PCM1: variants seen among roughly 807,000 people sequenced by gnomAD.
PCM1 encodes the protein pericentriolar material 1 protein.
A neutral mutation model predicts 241.9 loss-of-function variants in PCM1; 157 were observed. That is an observed-to-expected ratio of 0.65 (90% CI 0.57 to 0.74). The LOEUF (loss-of-function observed/expected upper bound fraction) is 0.74, where lower values mean the gene tolerates loss of function less well. PCM1 is among the 30% of genes least tolerant of loss of function. PCM1 has a pLI of 0.00. For synonymous variants in PCM1, 1,085 were observed against 784.9 expected (o/e 1.38, Z -6.39); for missense variants, 3,478 against 2,360.1 (o/e 1.47, Z -9.81).
chr8:18,011,753 GA>G lies in PCM1; in HGVS notation c.5439del (p.Gly1814AlafsTer56). The G allele has an allele frequency of 6.2e-7, 1 of 1,613,766 alleles. No individual in the cohort carries two copies. The highest frequency in any genetic ancestry group is 8.5e-7 in the Non-Finnish European group (1 of 1,179,790). On this transcript the variant is annotated frameshift_variant, in exon 34 of 39. Transcript: ENST00000325083. LOFTEE classifies it high-confidence loss of function. ...NEDEEMEEFE[E>X]GPVDVQTSLQ... ...GGATGAAGAAATGGAAGAATTTGAA[GA>G]AGGCCCTGTGGATGTCCAGACTTCC...
Position 17,950,744 on chromosome 8 carries a change from ATAGTT to A in PCM1, c.1071+21_1071+25del. 7.6e-7 allele frequency: 1 copy of A among 1,318,162 alleles called. No homozygotes were observed. The highest frequency in any genetic ancestry group is 1.9e-4 in the Middle Eastern group (1 of 5,282). The allele number at this position is 1,318,162 out of a possible 1,614,324, so 81.7% of individuals were successfully genotyped here. A position where few individuals can be genotyped will look rare whatever the true frequency, so the allele number is the denominator to read the frequency against. On this transcript the variant is annotated intron_variant, in intron 8 of 38. Coordinates refer to ENST00000325083, the MANE Select transcript of PCM1 (RefSeq NM_006197.4). The stretch of plus-strand genomic sequence containing the variant: ...TCTCAGGTAACCTAGATGTTTTAGT[ATAGTT>A]GAGTTTAAAAAATCACATTAATTAG...
Position 17,989,967 on chromosome 8 carries a change from A to T in PCM1, c.4519A>T (p.Thr1507Ser), listed in dbSNP as rs754475256. Residue 1507 changes from threonine (T) to serine (S), a missense_variant, in exon 27 of 39, where the codon ACA becomes TCA. Transcript: ENST00000325083. ...SVSSNFEPFA[T>S]DDLGNTVIHL... is the part of the protein sequence containing the mutation. ...ATCATCAAATTTTGAGCCTTTTGCA[A>T]CAGATGATCTAGGTAAGCAGAATTG... 6.5e-7 allele frequency: 1 copy of T among 1,534,876 alleles called. No homozygotes were observed. Among genetic ancestry groups the T allele is most frequent in the South Asian group, 1.3e-5 (1 of 79,652 alleles).
chr8:18,021,522 C>CA, intron 36 of PCM1, among the ~76,000 whole-genome samples: 1 of 152,204 alleles, frequency 6.6e-6, no homozygotes. Context: ...ACAACAGTAG[C>CA]AAAAAATTCT....
intron 31 of PCM1, 89 bp downstream of exon 31, chr8:18,009,833 C>A: frequency 1.2e-6 from 1 of 808,388 alleles, no homozygotes. Flanking sequence ...CATTTTACCT[C>A]AGCAAAAGTA....
chr8:17,991,826 AGT>A (rs2084750457), intron 28 of PCM1, 126 bp downstream of exon 28: 1 of 601,676 alleles, frequency 1.7e-6, no homozygotes, highest in South Asian at 2.9e-5. Flanking sequence ...CACTGTACCC[AGT>A]GTGTATTGTT....
intron 23 of PCM1, among the ~76,000 whole-genome samples, chr8:17,977,907 G>C (rs1425469177): frequency 6.6e-6 from 1 of 152,154 alleles, no homozygotes; most frequent in Non-Finnish European, 1.5e-5. Flanking sequence ...GAAGGTGAGA[G>C]TCATGACTAG....
At chr8:17,942,801 C>G (rs1247413698) in intron 6 of PCM1, among the ~76,000 whole-genome samples, 1 of 152,082 alleles carries the variant, frequency 6.6e-6, no homozygotes, top group East Asian at 1.9e-4. Flanking sequence ...CGAGACCAGT[C>G]TGGCCAACAT....
At chr8:17,971,171 T>C (rs900497459) in intron 22 of PCM1, among the ~76,000 whole-genome samples, 1 of 152,190 alleles carries the variant, frequency 6.6e-6, no homozygotes, top group Non-Finnish European at 1.5e-5. Flanking sequence ...CTTCCAACTA[T>C]TTAAGAATAT....
chr8:17,979,969 A>G (rs964203953), intron 23 of PCM1, among the ~76,000 whole-genome samples: 15 of 151,974 alleles, frequency 9.9e-5, no homozygotes, highest in African/African-American at 3.4e-4. Flanking sequence ...CAAAAGTAAA[A>G]CCCCAAATAT....
chr8:18,019,614 G>T (rs892484778), intron 36 of PCM1, among the ~76,000 whole-genome samples: 3 of 152,156 alleles, frequency 2.0e-5, no homozygotes, highest in Admixed American at 2.0e-4. Flanking sequence ...ACGCAACCTA[G>T]ATCTCTGGCA....
intron 23 of PCM1, among the ~76,000 whole-genome samples, chr8:17,979,591 A>T (rs980491296): frequency 6.6e-6 from 1 of 152,228 alleles, no homozygotes; most frequent in Non-Finnish European, 1.5e-5. Flanking sequence ...TTTAACAAGG[A>T]AAGTACTAGG....
chr8:17,947,212 G>T lies in PCM1; in HGVS notation c.810G>T (p.Met270Ile). The T allele has an allele frequency of 6.2e-7, 1 of 1,608,810 alleles. No individual in the cohort carries two copies. Among genetic ancestry groups the T allele is most frequent in the South Asian group, 1.1e-5 (1 of 90,504 alleles). Reference sequence around the variant, plus strand: ...CCAGAGATCCTCAGCAGGAGCCTATGGAAGAGATAGAAAATTTGAAGAAAC... The same window carrying T: ...CCAGAGATCCTCAGCAGGAGCCTATTGAAGAGATAGAAAATTTGAAGAAAC... ...ILARDPQQEP[M>I]EEIENLKKQH... The change falls in exon 7 of 39, where the codon ATG becomes ATT. Residue 270 changes from methionine (M) to isoleucine (I), a missense_variant. Coordinates refer to ENST00000325083, the MANE Select transcript of PCM1 (RefSeq NM_006197.4).
At chr8:18,001,892 C>G (rs2089563713) in intron 29 of PCM1, among the ~76,000 whole-genome samples, 1 of 151,606 alleles carries the variant, frequency 6.6e-6, no homozygotes, top group South Asian at 2.1e-4. Flanking sequence ...CTGATCGTGT[C>G]CAGATTATTC....
At chr8:17,937,604 T>C (rs954020596) in intron 4 of PCM1, among the ~76,000 whole-genome samples, 2 of 152,202 alleles carry the variant, frequency 1.3e-5, no homozygotes, top group African/African-American at 4.8e-5. Context: ...CTGGACTTTA[T>C]ACTATGTTAT....
Position 17,972,600 on chromosome 8 carries a change from G to T in PCM1, c.3856G>T (p.Ala1286Ser). The T allele has an allele frequency of 6.2e-7, 1 of 1,601,132 alleles. No homozygotes were observed. The highest frequency in any genetic ancestry group is 8.5e-7 in the Non-Finnish European group (1 of 1,175,868). ...TFKTRKASAQ[A>S]SLASKDKTPK... ...CAAGACAAGAAAAGCGTCTGCACAG[G>T]CCAGCCTGGCATCTAAAGATAAAAC... The change falls in exon 23 of 39, where the codon GCC (alanine) becomes TCC (serine). Residue 1286 changes from alanine (A) to serine (S), a missense_variant. Ala to Ser is a moderately conservative substitution (Grantham distance 99). Coordinates refer to ENST00000325083, the MANE Select transcript of PCM1 (RefSeq NM_006197.4).
At chr8:17,932,608 A>G (rs559492404) in intron 2 of PCM1, among the ~76,000 whole-genome samples, 28 of 152,130 alleles carry the variant, frequency 1.8e-4, no homozygotes, top group Non-Finnish European at 4.1e-4. Flanking sequence ...GGTATTAACT[A>G]TACTTAGTAT....
intron 36 of PCM1, among the ~76,000 whole-genome samples, chr8:18,016,884 T>C (rs559750427): frequency 6.6e-6 from 1 of 152,306 alleles, no homozygotes; most frequent in South Asian, 2.1e-4. Flanking sequence ...GTAAGTACTT[T>C]TACTTCTGGG....
At position 17,969,568 on chromosome 8, in the gene PCM1, A is replaced by T; in HGVS notation, c.3413-9A>T. ...TATTTTTCTCTTACCCATTGCTTTT[A>T]CTGATTAGGTATGAATTTCAGCCCT... is the stretch of plus-strand genomic sequence containing the variant. On this transcript the variant is annotated splice_polypyrimidine_tract_variant and intron_variant, in intron 21 of 38. Transcript: ENST00000325083. 2 of 1,562,792 alleles carry T rather than the reference A, an allele frequency of 1.3e-6. No individual in the cohort carries two copies. Among genetic ancestry groups the T allele is most frequent in the Non-Finnish European group, 1.7e-6 (2 of 1,152,926 alleles).
At position 17,938,951 on chromosome 8, in the gene PCM1, A is replaced by G. The variant is rs373825160; in HGVS notation, c.554A>G (p.Gln185Arg). 4 of 1,613,668 alleles carry G rather than the reference A, an allele frequency of 2.5e-6. No individual in the cohort carries two copies. The highest frequency in any genetic ancestry group is 2.5e-6 in the Non-Finnish European group (3 of 1,179,692). Residue 185 changes from glutamine to arginine, a missense_variant, in exon 5 of 39, where the codon CAA becomes CGA. Gln to Arg is a conservative substitution (Grantham distance 43). Transcript: ENST00000325083. ...TCTGCTTTAAGTAATGACCTCTTGC[A>G]AAACTGTCAGGTGTCTGAAGAAGAT... ...FASALSNDLL[Q>R]NCQVSEEDGR...
Sources: gnomAD v4.1 joint callset for allele counts (sites outside exome capture counted in the v4.1 genomes callset) on GRCh38, gnomAD v4.1.1 for gene constraint, MANE v1.5 for transcripts, NCBI Gene and HGNC (gene_info 2026-07-23, HGNC 2026-07-21) for gene names.